EMID1: variants seen among roughly 807,000 people sequenced by gnomAD.
EMID1 encodes the protein EMI domain containing 1.
EMID1 carries 40 observed loss-of-function variants against 60.6 expected under a neutral mutation model. That is an observed-to-expected ratio of 0.66 (90% confidence interval 0.51 to 0.86). The LOEUF is 0.86. Ranked by LOEUF, EMID1 falls within the 40% of genes least tolerant of loss-of-function variation. EMID1 has a pLI of 0.00. For synonymous variants in EMID1, 242 were observed against 231.0 expected, an observed-to-expected ratio of 1.05 and a Z score of -0.43; for missense variants, 585 against 597.1, an observed-to-expected ratio of 0.98 and a Z score of 0.21.
intron 4 of EMID1, among the ~76,000 whole-genome samples, chr22:29,225,776 A>G (rs2040483161): frequency 3.3e-5 from 5 of 152,052 alleles, no homozygotes. Flanking sequence ...CAGGGGTGAC[A>G]CTCCCGTGAG....
intron 3 of EMID1, among the ~76,000 whole-genome samples, chr22:29,218,779 G>A (rs1052538341): frequency 4.6e-5 from 7 of 152,230 alleles, no homozygotes; most frequent in African/African-American, 1.7e-4. Flanking sequence ...GGCTGCTGCA[G>A]TAAACCCCAT....
chr22:29,223,459 C>T (rs1455184990), intron 3 of EMID1, among the ~76,000 whole-genome samples: 1 of 152,216 alleles, frequency 6.6e-6, no homozygotes, highest in South Asian at 2.1e-4. Flanking sequence ...CACCTGGAAG[C>T]AGAAAGAATG....
At chr22:29,209,218 G>A (rs2039791139) in intron 1 of EMID1, among the ~76,000 whole-genome samples, 1 of 152,228 alleles carries the variant, frequency 6.6e-6, no homozygotes, top group Admixed American at 6.5e-5. Flanking sequence ...GGGGTGGAGT[G>A]TGGGTGTAGG....
chr22:29,258,343 G>C (rs1324015348), intron 14 of EMID1, among the ~76,000 whole-genome samples: 1 of 152,120 alleles, frequency 6.6e-6, no homozygotes, highest in Non-Finnish European at 1.5e-5. Flanking sequence ...CAGAGGTCCA[G>C]CTTGCCCAAG....
intron 9 of EMID1, 65 bp from the exon 10 acceptor site, chr22:29,233,549 G>A: frequency 1.2e-6 from 2 of 1,603,604 alleles, no homozygotes; most frequent in Non-Finnish European, 1.7e-6. Context: ...TCAGGAGGGA[G>A]CTGATGGGGC....
chr22:29,217,352 C>A (rs1254943502), intron 3 of EMID1, among the ~76,000 whole-genome samples: 2 of 152,252 alleles, frequency 1.3e-5, no homozygotes, highest in African/African-American at 4.8e-5. Flanking sequence ...CAGGCCAGCT[C>A]CCTCTGTGGG....
Position 29,215,595 on chromosome 22 carries a change from G to A in EMID1, c.284G>A (p.Cys95Tyr). ...YKIVTAREWR[C>Y]CPGHSGVSCE... Reference sequence around the variant, plus strand: ...ATAGTGACCGCCCGTGAGTGGAGGTGCTGCCCTGGGCACTCAGGAGTGAGC... The same window carrying A: ...ATAGTGACCGCCCGTGAGTGGAGGTACTGCCCTGGGCACTCAGGAGTGAGC... The change falls in exon 3 of 15, where the codon TGC (cysteine) becomes TAC (tyrosine). Residue 95 changes from cysteine (C) to tyrosine (Y), a missense_variant. Cys to Tyr is a radical substitution (Grantham distance 194). Coordinates refer to ENST00000334018, the MANE Select transcript of EMID1 (RefSeq NM_133455.4). 1 of 1,614,080 alleles carries A rather than the reference G, an allele frequency of 6.2e-7. No homozygotes were observed. The highest frequency in any genetic ancestry group is 8.5e-7 in the Non-Finnish European group (1 of 1,179,968).
At chr22:29,254,012 C>T (rs1044950823) in intron 13 of EMID1, 191 bp from the exon 14 acceptor site, 1 of 985,320 alleles carries the variant, frequency 1.0e-6, no homozygotes, top group African/African-American at 1.7e-5. Flanking sequence ...GGGGTTGCTT[C>T]CTTCCGTCTG....
intron 12 of EMID1, among the ~76,000 whole-genome samples, chr22:29,235,061 G>T (rs1324694479): frequency 2.6e-5 from 4 of 152,012 alleles, no homozygotes; most frequent in Non-Finnish European, 5.9e-5. Flanking sequence ...ATGTAAGAAA[G>T]TGTGGACCGG....
chr22:29,222,949 G>A (rs1002530445), intron 3 of EMID1, among the ~76,000 whole-genome samples: 1 of 152,100 alleles, frequency 6.6e-6, no homozygotes, highest in Non-Finnish European at 1.5e-5. Flanking sequence ...AAATTAGCTG[G>A]GCATTGTGGC....
At chr22:29,253,944 C>A in intron 13 of EMID1, 1 of 985,452 alleles carries the variant, frequency 1.0e-6, no homozygotes, top group Non-Finnish European at 1.2e-6. Context: ...GCAGGATTTG[C>A]GGCCTTGTCA....
At chr22:29,208,434 G>A (rs1298844805) in intron 1 of EMID1, among the ~76,000 whole-genome samples, 1 of 152,180 alleles carries the variant, frequency 6.6e-6, no homozygotes, top group Non-Finnish European at 1.5e-5. Flanking sequence ...TTCCTGCCCC[G>A]CTGAGGTCCT....
At chr22:29,232,445 G>C (rs1304229576) in intron 8 of EMID1, 43 bp downstream of exon 8, 4 of 1,508,928 alleles carry the variant, frequency 2.7e-6, no homozygotes, top group Non-Finnish European at 3.5e-6. Flanking sequence ...TGGGGGTGGA[G>C]TAGCCATCAG....
intron 13 of EMID1, chr22:29,253,846 G>A (rs1380634386): frequency 3.2e-6 from 3 of 945,528 alleles, no homozygotes; most frequent in East Asian, 2.3e-4. Context: ...GGTGCTGGGC[G>A]ACAGACATTA....
chr22:29,208,836 A>G (rs2039775282), intron 1 of EMID1, among the ~76,000 whole-genome samples: 2 of 152,216 alleles, frequency 1.3e-5, no homozygotes, highest in Non-Finnish European at 2.9e-5. Context: ...TGAGCCCCTC[A>G]GTCCCGGAAC....
At chr22:29,223,207 C>T (rs1428510158) in intron 3 of EMID1, among the ~76,000 whole-genome samples, 2 of 152,204 alleles carry the variant, frequency 1.3e-5, no homozygotes, top group East Asian at 1.9e-4. Context: ...GATGTTCCAG[C>T]CAGGAGGCCA....
intron 13 of EMID1, among the ~76,000 whole-genome samples, chr22:29,248,085 TG>T (rs2041392248): frequency 6.6e-6 from 1 of 151,500 alleles, no homozygotes; most frequent in African/African-American, 2.4e-5. Flanking sequence ...CCCAAGTAGC[TG>T]GGACTACAGG....
At chr22:29,242,104 A>AT (rs2041174799) in intron 12 of EMID1, among the ~76,000 whole-genome samples, 1 of 151,810 alleles carries the variant, frequency 6.6e-6, no homozygotes, top group African/African-American at 2.4e-5. Context: ...TTGTTTTTTC[A>AT]TTTTTAGTAG....
chr22:29,222,789 A>G (rs2040347186), intron 3 of EMID1, among the ~76,000 whole-genome samples: 1 of 152,202 alleles, frequency 6.6e-6, no homozygotes, highest in Admixed American at 6.5e-5. Context: ...TCATGTATTC[A>G]TCAACAAAAG....
Sources: allele counts gnomAD v4.1 joint callset (sites outside exome capture counted in the v4.1 genomes callset), GRCh38; gene constraint gnomAD v4.1.1; transcripts MANE v1.5; gene names NCBI Gene and HGNC (gene_info 2026-07-23, HGNC 2026-07-21).